The following KALRN variants were observed in gnomAD, a reference collection of about 807,000 sequenced individuals.
KALRN encodes kalirin.
Under a neutral mutation model 353.7 loss-of-function variants are expected in KALRN, and 70 were observed. The ratio of observed to expected loss-of-function variants is 0.20; its 90% CI spans 0.16 to 0.24. The LOEUF is 0.24. Among genes scored for constraint, KALRN ranks in the 10% least tolerant of loss-of-function variants. The probability of loss-of-function intolerance (pLI) is 1.00; values close to 1 mark genes in which losing one functional copy is unlikely to be tolerated. For missense variants in KALRN, 2,791 were observed against 3,756.7 expected (o/e 0.74, Z 6.72); for synonymous variants, 1,391 against 1,434.8 (o/e 0.97, Z 0.69).
intron 11 of KALRN, among the ~76,000 whole-genome samples, chr3:124,391,138 A>G (rs1452844359): frequency 1.3e-5 from 2 of 152,236 alleles, no homozygotes; most frequent in African/African-American, 4.8e-5. Context: ...ATATATCAGC[A>G]TGGAGCAAGC....
rs1478502383 is a variant in KALRN, at chr3:124,562,964, G to A, written c.5057G>A (p.Gly1686Asp). 1 of 1,367,922 alleles carries A rather than the reference G, an allele frequency of 7.3e-7. No individual in the cohort carries two copies. The highest frequency in any genetic ancestry group is 9.8e-7 in the Non-Finnish European group (1 of 1,022,016). 84.7% of individuals were successfully genotyped at this position (1,367,922 alleles called of 1,614,324 possible). A position where few individuals can be genotyped will look rare whatever the true frequency, so the allele number is the denominator to read the frequency against. The stretch of plus-strand genomic sequence containing the variant: ...CTGGAGCGGCCCAGCGAGCGGCCTG[G>A]TTGGTGTCTGGTCCGTACCACCGAA... ...ELLERPSERP[G>D]WCLVRTTERS... Residue 1686 changes from glycine (G) to aspartate (D), a missense_variant, in exon 34 of 60, where the codon GGT becomes GAT. Transcript: ENST00000682506.
At chr3:124,166,698 C>T (rs187819548) in intron 1 of KALRN, among the ~76,000 whole-genome samples, 39 of 152,160 alleles carry the variant, frequency 2.6e-4, no homozygotes, top group Non-Finnish European at 4.6e-4. Context: ...AAACTGACAC[C>T]GCTGCTCTGA....
intron 34 of KALRN, among the ~76,000 whole-genome samples, chr3:124,568,296 C>T (rs2073096171): frequency 1.3e-5 from 2 of 152,124 alleles, no homozygotes; most frequent in East Asian, 3.8e-4. Flanking sequence ...ATCAAAACAA[C>T]AATAACATGT....
chr3:124,672,212 T>C (rs1042930679), intron 48 of KALRN, among the ~76,000 whole-genome samples: 2 of 152,224 alleles, frequency 1.3e-5, no homozygotes, highest in African/African-American at 4.8e-5. Context: ...CCTCCCACAG[T>C]GCTGGGATTA....
chr3:124,078,722 A>C lies in KALRN; in HGVS notation c.73+44909A>C, dbSNP rs187142382. Among the ~76,000 whole-genome samples the C allele has an allele frequency of 3.7e-4, 57 of 152,322 alleles. No homozygotes were observed. In the East Asian group the frequency reaches 8.3e-3, roughly 22 times the overall value. ...CTCAGGTACATAGTAAAATTGCTTT[A>C]AGTCTCAGTTTAAAAAATCTTGTTT... On this transcript the variant is annotated intron_variant, in intron 1 of 59. Transcript: ENST00000682506.
chr3:124,044,861 C>T (rs1344482221), intron 1 of KALRN, among the ~76,000 whole-genome samples: 26 of 19,276 alleles, frequency 1.3e-3, no homozygotes, highest in African/African-American at 2.6e-3. Context: ...CTCCCTCCCT[C>T]CTTCCTTCCT....
chr3:124,344,741 A>G (rs1039551598), intron 9 of KALRN, among the ~76,000 whole-genome samples: 1 of 152,246 alleles, frequency 6.6e-6, no homozygotes, highest in Non-Finnish European at 1.5e-5. Flanking sequence ...AGAGCATCAC[A>G]GAGCAATCAA....
chr3:124,281,222 C>T (rs146588680), intron 5 of KALRN, among the ~76,000 whole-genome samples: 48 of 152,308 alleles, frequency 3.2e-4, no homozygotes, highest in African/African-American at 9.6e-4. Context: ...TAAGCTTTCT[C>T]TAGCATAAGA....
intron 6 of KALRN, among the ~76,000 whole-genome samples, chr3:124,322,311 C>A (rs566348648): frequency 1.3e-5 from 2 of 152,156 alleles, no homozygotes; most frequent in Admixed American, 1.3e-4. Context: ...ATCATTAGGT[C>A]GACTCCCTCA....
At chr3:124,684,858 C>CT (rs1010227000) in intron 51 of KALRN, among the ~76,000 whole-genome samples, 1 of 152,046 alleles carries the variant, frequency 6.6e-6, no homozygotes, top group African/African-American at 2.4e-5. Context: ...AGAGCTGGTA[C>CT]TTTTTTCCTT....
chr3:124,241,074 C>T (rs189930111), intron 3 of KALRN, among the ~76,000 whole-genome samples: 197 of 152,140 alleles, frequency 1.3e-3, no homozygotes, highest in Admixed American at 2.6e-3. Context: ...ACTTGAGAGC[C>T]TACCCTCCAA....
intron 1 of KALRN, among the ~76,000 whole-genome samples, chr3:124,209,406 G>A (rs764340112): frequency 6.6e-6 from 1 of 151,118 alleles, no homozygotes; most frequent in Non-Finnish European, 1.5e-5. Context: ...AGTGGGACTG[G>A]GGAGGCTGAG....
intron 37 of KALRN, among the ~76,000 whole-genome samples, chr3:124,648,865 C>A (rs1195363052): frequency 6.6e-6 from 1 of 152,236 alleles, no homozygotes; most frequent in African/African-American, 2.4e-5. Flanking sequence ...CAGACACTCT[C>A]ATTTCCTTAA....
At chr3:124,047,674 T>G (rs978822114) in intron 1 of KALRN, among the ~76,000 whole-genome samples, 6 of 150,938 alleles carry the variant, frequency 4.0e-5, no homozygotes, top group African/African-American at 7.3e-5. Context: ...TTTTTATTTT[T>G]TTTTATTTTT....
chr3:124,480,013 G>A (rs1156766356), intron 27 of KALRN, among the ~76,000 whole-genome samples: 3 of 152,116 alleles, frequency 2.0e-5, no homozygotes, highest in South Asian at 2.1e-4. Context: ...GTGAGCCACC[G>A]CGCCCGGCCG....
intron 58 of KALRN, among the ~76,000 whole-genome samples, chr3:124,715,618 C>T (rs2063100714): frequency 6.6e-6 from 1 of 152,234 alleles, no homozygotes; most frequent in Non-Finnish European, 1.5e-5. Flanking sequence ...GGGTTCTAGC[C>T]TTTGCTCCTG....
At chr3:124,360,047 C>T (rs572378242) in intron 10 of KALRN, among the ~76,000 whole-genome samples, 2 of 152,370 alleles carry the variant, frequency 1.3e-5, no homozygotes, top group South Asian at 4.1e-4. Flanking sequence ...AATGGTATAT[C>T]CTGCCTAGGG....
intron 34 of KALRN, among the ~76,000 whole-genome samples, chr3:124,631,127 C>T (rs896476607): frequency 2.6e-5 from 4 of 152,236 alleles, no homozygotes; most frequent in Admixed American, 1.3e-4. Context: ...CAGAACACCC[C>T]ACCCTCCTGG....
chr3:124,467,886 T>C (rs1298306048), intron 25 of KALRN, among the ~76,000 whole-genome samples: 3 of 150,216 alleles, frequency 2.0e-5, no homozygotes, highest in Admixed American at 2.0e-4. Context: ...AAGGAAGAGA[T>C]AGAGAAGGAG....
Sources: gnomAD v4.1 joint callset for allele counts (sites outside exome capture counted in the v4.1 genomes callset) on GRCh38, gnomAD v4.1.1 for gene constraint, MANE v1.5 for transcripts, NCBI Gene and HGNC (gene_info 2026-07-23, HGNC 2026-07-21) for gene names.